PRUNE2: variants seen among roughly 807,000 people sequenced by gnomAD.
The protein encoded by PRUNE2 is prune homolog 2 with BCH domain.
Under a neutral mutation model 252.0 loss-of-function variants are expected in PRUNE2, and 164 were observed. That is an observed-to-expected ratio of 0.65 (90% CI 0.57 to 0.74). The LOEUF is 0.74. PRUNE2 is among the 30% of genes least tolerant of loss of function. The pLI, the probability that PRUNE2 is intolerant of heterozygous loss-of-function variation, is 0.00. For synonymous variants in PRUNE2, 1,292 were observed against 1,350.2 expected, an observed-to-expected ratio of 0.96 and a Z score of 0.94; for missense variants, 3,495 against 3,711.0, an observed-to-expected ratio of 0.94 and a Z score of 1.51.
Position 76,706,746 on chromosome 9 carries a change from G to A in PRUNE2, c.5528C>T (p.Pro1843Leu), listed in dbSNP as rs938015903. ...SPQEGRLIES[P>L]FERELSDSSG... ...GGAGTCAGACAGCTCCCTTTCAAAT[G>A]GACTTTCAATTAGTCTCCCTTCCTG... The change falls in exon 8 of 19, where the codon CCA becomes CTA. Residue 1843 changes from proline to leucine, a missense_variant. By Grantham distance (98) the Pro-to-Leu change is moderately conservative. Transcript: ENST00000376718. 4 of 1,612,392 alleles carry A rather than the reference G, an allele frequency of 2.5e-6. No individual in the cohort carries two copies. In the African/African-American group the frequency reaches 4.0e-5, roughly 16 times the overall value.
chr9:76,704,893 G>A lies in PRUNE2; in HGVS notation c.7381C>T (p.Arg2461Cys), dbSNP rs202073291. 153 of 1,609,738 alleles carry A rather than the reference G, an allele frequency of 9.5e-5. No individual in the cohort carries two copies. Among genetic ancestry groups the A allele is most frequent in the Non-Finnish European group, 1.2e-4 (140 of 1,177,864 alleles). ...PGSQLAVLHI[R>C]EDPESVYLPV... ...AAATAAACGGACTCAGGGTCTTCAC[G>A]AATATGCAGCACAGCCAGCTGGGAT... The change falls in exon 8 of 19, where the codon CGT becomes TGT. Residue 2461 changes from arginine (R) to cysteine (C), a missense_variant. Coordinates refer to ENST00000376718, the MANE Select transcript of PRUNE2 (RefSeq NM_015225.3).
chr9:76,901,644 G>A (rs1241990878), intron 1 of PRUNE2, among the ~76,000 whole-genome samples: 1 of 152,164 alleles, frequency 6.6e-6, no homozygotes, highest in African/African-American at 2.4e-5. Context: ...CCCATCTCCT[G>A]TAATCACTCT....
intron 6 of PRUNE2, chr9:76,736,681 T>A (rs1012870917): frequency 6.6e-6 from 1 of 152,226 alleles, no homozygotes; most frequent in Admixed American, 6.5e-5. Flanking sequence ...TCTGGCCCCA[T>A]GACATGATCA....
chr9:76,663,636 G>A (rs2039574689), intron 9 of PRUNE2, among the ~76,000 whole-genome samples: 1 of 152,056 alleles, frequency 6.6e-6, no homozygotes, highest in Non-Finnish European at 1.5e-5. Context: ...TTTTTACAGT[G>A]AGGCTTAAAC....
chr9:76,837,916 CG>C (rs1181041313), intron 4 of PRUNE2, among the ~76,000 whole-genome samples: 2 of 151,038 alleles, frequency 1.3e-5, no homozygotes, highest in Non-Finnish European at 3.0e-5. Flanking sequence ...GGACTACAGG[CG>C]CCTGCCACCA....
intron 6 of PRUNE2, among the ~76,000 whole-genome samples, chr9:76,774,572 T>G (rs942520388): frequency 5.3e-5 from 8 of 151,292 alleles, no homozygotes; most frequent in African/African-American, 1.9e-4. Flanking sequence ...AATTCTCCTG[T>G]CTCAGCCTCC....
chr9:76,725,988 C>G (rs1349824713), intron 6 of PRUNE2, among the ~76,000 whole-genome samples: 1 of 152,214 alleles, frequency 6.6e-6, no homozygotes, highest in Non-Finnish European at 1.5e-5. Flanking sequence ...TGAGCACGCG[C>G]TGGGAGAAGG....
intron 6 of PRUNE2, among the ~76,000 whole-genome samples, chr9:76,780,201 C>T (rs911179296): frequency 6.6e-6 from 1 of 152,128 alleles, no homozygotes; most frequent in South Asian, 2.1e-4. Flanking sequence ...AGCTACATGA[C>T]CCAATTATAT....
chr9:76,810,425 C>T (rs1278053251), intron 6 of PRUNE2, among the ~76,000 whole-genome samples: 4 of 152,202 alleles, frequency 2.6e-5, no homozygotes, highest in African/African-American at 9.7e-5. Flanking sequence ...TATTGACTAG[C>T]ACCATGCTAT....
intron 1 of PRUNE2, among the ~76,000 whole-genome samples, chr9:76,868,696 C>G (rs1252840717): frequency 6.6e-6 from 1 of 152,074 alleles, no homozygotes; most frequent in Non-Finnish European, 1.5e-5. Context: ...CTCAAATTTG[C>G]CCTGAAGACT....
At chr9:76,690,562 A>T (rs1393828939) in intron 9 of PRUNE2, among the ~76,000 whole-genome samples, 1 of 152,242 alleles carries the variant, frequency 6.6e-6, no homozygotes, top group Non-Finnish European at 1.5e-5. Flanking sequence ...AGGAGTACAA[A>T]GCCACTCAAG....
chr9:76,904,956 G>C (rs2063394079), intron 1 of PRUNE2, among the ~76,000 whole-genome samples: 1 of 152,098 alleles, frequency 6.6e-6, no homozygotes, highest in African/African-American at 2.4e-5. Flanking sequence ...TTACCTTAAT[G>C]CAGACTTTAC....
chr9:76,849,909 A>C (rs910806511), intron 3 of PRUNE2, among the ~76,000 whole-genome samples: 3 of 152,222 alleles, frequency 2.0e-5, no homozygotes, highest in African/African-American at 7.2e-5. Context: ...TAAAGATTTC[A>C]TATCTGAAAT....
chr9:76,716,579 T>C (rs2047170549), intron 6 of PRUNE2, among the ~76,000 whole-genome samples: 1 of 152,252 alleles, frequency 6.6e-6, no homozygotes, highest in African/African-American at 2.4e-5. Flanking sequence ...GCCGATTTGC[T>C]ACAGGTTCTC....
intron 2 of PRUNE2, among the ~76,000 whole-genome samples, chr9:76,853,877 T>C (rs1377793517): frequency 1.3e-5 from 2 of 152,204 alleles, no homozygotes; most frequent in Non-Finnish European, 2.9e-5. Context: ...ATTGAAATAA[T>C]GTTTTATAAG....
At chr9:76,663,298 C>A (rs992784664) in intron 9 of PRUNE2, among the ~76,000 whole-genome samples, 1 of 152,172 alleles carries the variant, frequency 6.6e-6, no homozygotes, top group Non-Finnish European at 1.5e-5. Flanking sequence ...TGTGGCCAGG[C>A]AGGGAGAAGC....
At chr9:76,677,615 C>T (rs1320052363) in intron 9 of PRUNE2, among the ~76,000 whole-genome samples, 2 of 152,202 alleles carry the variant, frequency 1.3e-5, no homozygotes, top group Non-Finnish European at 2.9e-5. Flanking sequence ...TGGGTGATAC[C>T]ATCCCATTTT....
intron 9 of PRUNE2, among the ~76,000 whole-genome samples, chr9:76,690,621 A>T (rs10512061): frequency 0.2 from 30,086 of 152,162 alleles, 3,639 homozygotes; most frequent in East Asian, 0.59. Context: ...GGATGTACCA[A>T]AGAGAGCACT....
chr9:76,649,612 T>TGATAGATGATAGATA (rs1846454453), intron 11 of PRUNE2, among the ~76,000 whole-genome samples: 1 of 149,868 alleles, frequency 6.7e-6, no homozygotes, highest in African/African-American at 2.5e-5. Context: ...GATAGATAGA[T>TGATAGATGATAGATA]GATAGATAGA....
Sources: gnomAD v4.1 joint callset for allele counts (sites outside exome capture counted in the v4.1 genomes callset) on GRCh38, gnomAD v4.1.1 for gene constraint, MANE v1.5 for transcripts, NCBI Gene and HGNC (gene_info 2026-07-23, HGNC 2026-07-21) for gene names.